Variants in COLQ observed in about 807,000 individuals in gnomAD.
COLQ encodes collagen like tail subunit of asymmetric acetylcholinesterase, also known as acetylcholinesterase collagenic tail peptide.
COLQ carries 48 observed loss-of-function variants against 69.0 expected under a neutral mutation model. The observed-to-expected ratio is 0.70, with a 90% CI of 0.55 to 0.88. COLQ has a LOEUF of 0.88. Ranked by LOEUF, COLQ falls within the 40% of genes least tolerant of loss-of-function variation. The pLI, the probability that COLQ is intolerant of heterozygous loss-of-function variation, is 0.00. For synonymous variants in COLQ, 217 were observed against 211.2 expected (o/e 1.03, Z -0.24); for missense variants, 618 against 594.6 (o/e 1.04, Z -0.41).
chr3:15,470,702 G>A (rs1310996963), intron 10 of COLQ, 86 bp from the exon 11 acceptor site: 16 of 1,227,194 alleles, frequency 1.3e-5, no homozygotes, highest in Admixed American at 1.2e-4. Flanking sequence ...CATTGGCTAC[G>A]AGGGCAGTCT....
rs1018184094 is a variant in COLQ, at chr3:15,484,296, C to T, written c.321+3910G>A. 7.2e-5 allele frequency among the ~76,000 whole-genome samples: 11 copies of T among 152,296 alleles called. No homozygotes were observed. The South Asian group carries it at 2.3e-3, about 32-fold the overall frequency. ...TTTTGCTCATTAGTTGATGCAGTTT[C>T]TTCATGGTGTTGATGGTCTTTACCG... On this transcript the variant is annotated intron_variant, in intron 3 of 16. Transcript: ENST00000383788.
At chr3:15,495,063 G>A (rs984357239) in intron 1 of COLQ, among the ~76,000 whole-genome samples, 2 of 152,240 alleles carry the variant, frequency 1.3e-5, no homozygotes, top group Non-Finnish European at 1.5e-5. Flanking sequence ...ACAGAGCCAG[G>A]CAGTCTGGTT....
In COLQ at chr3:15,473,915, A is replaced by G; in HGVS notation, c.636+85T>C. On this transcript the variant is annotated intron_variant, in intron 10 of 16. Transcript: ENST00000383788. The surrounding 1 kb of genome is among the most constrained non-coding windows in gnomAD (Gnocchi z 4.0). Reference sequence around the variant, plus strand: ...TAAACCCACCATCCCTGCCTGATAGACAAGGAGGCAGAGTTCTTTTTGTTG... The same window carrying G: ...TAAACCCACCATCCCTGCCTGATAGGCAAGGAGGCAGAGTTCTTTTTGTTG... 1 of 1,422,132 alleles carries G rather than the reference A, an allele frequency of 7.0e-7. No homozygotes were observed. The highest frequency in any genetic ancestry group is 9.9e-7 in the Non-Finnish European group (1 of 1,010,960). The allele number at this position is 1,422,132 out of a possible 1,614,324, so 88.1% of individuals were successfully genotyped here. A position where few individuals can be genotyped will look rare whatever the true frequency, so the allele number is the denominator to read the frequency against.
chr3:15,464,708 T>G (rs2062170815), intron 12 of COLQ, among the ~76,000 whole-genome samples: 1 of 152,236 alleles, frequency 6.6e-6, no homozygotes, highest in African/African-American at 2.4e-5. Flanking sequence ...AGAAAAAAGT[T>G]GGAATAAAAA....
Position 15,466,453 on chromosome 3 carries a change from G to A in COLQ, c.718-16C>T. 6.2e-7 allele frequency: 1 copy of A among 1,605,284 alleles called. No homozygotes were observed. The highest frequency in any genetic ancestry group is 8.5e-7 in the Non-Finnish European group (1 of 1,172,040). On this transcript the variant is annotated splice_polypyrimidine_tract_variant and intron_variant, in intron 11 of 16. Coordinates refer to ENST00000383788, the MANE Select transcript of COLQ (RefSeq NM_005677.4). ...CTTTCTGTCCCTGACAGAGAGAAAG[G>A]CAGAGCCTGTTATGAAAGCATGACA...
intron 12 of COLQ, among the ~76,000 whole-genome samples, chr3:15,464,485 G>T (rs1404850543): frequency 1.3e-5 from 2 of 152,220 alleles, no homozygotes; most frequent in Non-Finnish European, 2.9e-5. Context: ...ATTTGTGGTT[G>T]TTGGAGGAGT....
Position 15,456,580 on chromosome 3 carries a change from C to G in COLQ, c.955-1G>C, listed in dbSNP as rs1410220838. 2 of 1,613,992 alleles carry G rather than the reference C, an allele frequency of 1.2e-6. No homozygotes were observed. The highest frequency in any genetic ancestry group is 2.7e-5 in the African/African-American group (2 of 75,036). ...CCTCCTGGTTGTTGACCACAAAAAT[C>G]TGCCAGAGAACACACTGGTGAGGAT... is the stretch of plus-strand genomic sequence containing the variant. On this transcript the variant is annotated splice_acceptor_variant, in intron 13 of 16. Coordinates refer to ENST00000383788, the MANE Select transcript of COLQ (RefSeq NM_005677.4). LOFTEE classifies it high-confidence loss of function.
At chr3:15,467,848 C>T (rs1448230835) in intron 11 of COLQ, 6 of 456,454 alleles carry the variant, frequency 1.3e-5, no homozygotes, top group Non-Finnish European at 2.2e-5. Context: ...GACAGGTGAC[C>T]GGCTGCCTTG....
rs369852257 is a variant in COLQ, at chr3:15,488,240, C to A, written c.287G>T (p.Gly96Val). Reference sequence around the variant, plus strand: ...GGGAGGCCCAGGGGAGCCTAGCGAGCCTTGCATGCACGGGGACTGCGAGGT... The same window carrying A: ...GGGAGGCCCAGGGGAGCCTAGCGAGACTTGCATGCACGGGGACTGCGAGGT... ...LETSQSPCMQ[G>V]SLGSPGPPGP... The change falls in exon 3 of 17, where the codon GGC becomes GTC. Residue 96 changes from glycine to valine, a missense_variant. Physicochemically the swap from Gly to Val is moderately radical, Grantham distance 109. Coordinates refer to ENST00000383788, the MANE Select transcript of COLQ (RefSeq NM_005677.4). 2.5e-6 allele frequency: 4 copies of A among 1,613,310 alleles called. No individual in the cohort carries two copies. In the African/African-American group the frequency reaches 4.0e-5, roughly 16 times the overall value.
At chr3:15,453,388 G>T (rs3773460) in intron 16 of COLQ, among the ~76,000 whole-genome samples, 1 of 152,230 alleles carries the variant, frequency 6.6e-6, no homozygotes, top group Non-Finnish European at 1.5e-5. Flanking sequence ...GCATGCCTGA[G>T]GGATGGGCAG....
chr3:15,480,479 G>A (rs967865538), intron 3 of COLQ, among the ~76,000 whole-genome samples: 6 of 152,130 alleles, frequency 3.9e-5, no homozygotes, highest in African/African-American at 1.4e-4. Flanking sequence ...ATGGTTTCCA[G>A]CTTCATCCAT....
At chr3:15,477,584 CT>C in intron 5 of COLQ, 2 of 233,596 alleles carry the variant, frequency 8.6e-6, no homozygotes, top group Non-Finnish European at 8.6e-6. Flanking sequence ...CTTTCAAGGT[CT>C]TTTTGACCTG....
At chr3:15,498,608 G>A (rs551469530) in intron 1 of COLQ, 18 of 1,551,650 alleles carry the variant, frequency 1.2e-5, no homozygotes, top group East Asian at 2.4e-5. Flanking sequence ...GGCCCAAAGC[G>A]GACTGGCCAG....
chr3:15,499,403 A>G (rs2062800809), intron 1 of COLQ, among the ~76,000 whole-genome samples: 1 of 152,240 alleles, frequency 6.6e-6, no homozygotes, highest in Non-Finnish European at 1.5e-5. Context: ...AGCAGGAGTC[A>G]GCAAACTTTT....
intron 5 of COLQ, 35 bp downstream of exon 5, chr3:15,478,942 C>T: frequency 3.1e-6 from 5 of 1,613,900 alleles, no homozygotes; most frequent in African/African-American, 1.3e-5. Flanking sequence ...AGCACAGACG[C>T]TCATGTGACA....
At chr3:15,496,915 T>G (rs1183996799) in intron 1 of COLQ, among the ~76,000 whole-genome samples, 1 of 152,062 alleles carries the variant, frequency 6.6e-6, no homozygotes, top group Non-Finnish European at 1.5e-5. Flanking sequence ...GATTAAAGAG[T>G]GTTAAGTCTA....
At chr3:15,485,591 C>G (rs2062560300) in intron 3 of COLQ, among the ~76,000 whole-genome samples, 1 of 152,216 alleles carries the variant, frequency 6.6e-6, no homozygotes. Flanking sequence ...GTTCCCAAGT[C>G]TATCAGCACA....
At chr3:15,517,315 A>G (rs762926156) in intron 1 of COLQ, among the ~76,000 whole-genome samples, 6 of 152,224 alleles carry the variant, frequency 3.9e-5, no homozygotes, top group Middle Eastern at 3.2e-3. Flanking sequence ...GCTCTCCCAC[A>G]TAACAGCTGC....
At chr3:15,471,227 G>C (rs950698192) in intron 10 of COLQ, among the ~76,000 whole-genome samples, 2 of 152,152 alleles carry the variant, frequency 1.3e-5, no homozygotes, top group African/African-American at 4.8e-5. Flanking sequence ...TTGTGGGAGA[G>C]ATGTTCCAAA....
Sources: allele counts gnomAD v4.1 joint callset (sites outside exome capture counted in the v4.1 genomes callset), GRCh38; gene constraint gnomAD v4.1.1; non-coding constraint Gnocchi (gnomAD v3.1); transcripts MANE v1.5; gene names NCBI Gene and HGNC (gene_info 2026-07-23, HGNC 2026-07-21).